NAV1: variants seen among roughly 807,000 people sequenced by gnomAD.
NAV1 encodes the protein pore membrane and/or filament interacting like protein 3.
In NAV1, 18 loss-of-function variants were observed where a neutral mutation model predicts 175.2. That is an observed-to-expected ratio of 0.10 (90% CI 0.07 to 0.15). The LOEUF is 0.15. Ranked by LOEUF, NAV1 falls within the 10% of genes least tolerant of loss-of-function variation. NAV1 has a pLI of 1.00. For synonymous variants in NAV1, 897 were observed against 978.7 expected (o/e 0.92, Z 1.56); for missense variants, 1,731 against 2,436.6 (o/e 0.71, Z 6.10).
At chr1:201,673,671 A>T (rs1170987285) in intron 1 of NAV1, among the ~76,000 whole-genome samples, 2 of 152,134 alleles carry the variant, frequency 1.3e-5, no homozygotes, top group African/African-American at 2.4e-5. Flanking sequence ...AGAGTTCAAG[A>T]CCCAGATCGT....
intron 3 of NAV1, among the ~76,000 whole-genome samples, chr1:201,742,214 G>C (rs1673470477): frequency 6.6e-6 from 1 of 152,216 alleles, no homozygotes; most frequent in Non-Finnish European, 1.5e-5. Context: ...AACTTTCCCT[G>C]TAAATGATGT....
At chr1:201,549,217 T>G (rs926222737) in intron 1 of NAV1, among the ~76,000 whole-genome samples, 4 of 151,622 alleles carry the variant, frequency 2.6e-5, no homozygotes, top group African/African-American at 9.7e-5. Context: ...TCTTTCCTTC[T>G]TTCTTTTTTT....
At chr1:201,604,499 T>C (rs1304435517) in intron 2 of NAV1, among the ~76,000 whole-genome samples, 1 of 152,004 alleles carries the variant, frequency 6.6e-6, no homozygotes, top group Non-Finnish European at 1.5e-5. Context: ...CTAGCCAACA[T>C]GGTGAAACCC....
chr1:201,671,928 A>C (rs1445792401), intron 1 of NAV1, among the ~76,000 whole-genome samples: 3 of 152,220 alleles, frequency 2.0e-5, no homozygotes, highest in African/African-American at 7.2e-5. Context: ...GTAAAATGTC[A>C]GAGATATAAG....
At chr1:201,742,873 C>CA (rs370885559) in intron 3 of NAV1, among the ~76,000 whole-genome samples, 2 of 68,146 alleles carry the variant, frequency 2.9e-5, no homozygotes, top group East Asian at 6.8e-4. Flanking sequence ...TCCTGCAAAG[C>CA]CCCTGCCCTG....
chr1:201,756,833 T>C (rs1445350545), intron 3 of NAV1, among the ~76,000 whole-genome samples: 1 of 71,276 alleles, frequency 1.4e-5, no homozygotes, highest in Non-Finnish European at 4.2e-5. Flanking sequence ...TCTTTCTTTC[T>C]TTCTTTCTTT....
intron 1 of NAV1, among the ~76,000 whole-genome samples, chr1:201,697,693 A>G (rs1671247317): frequency 6.6e-6 from 1 of 152,172 alleles, no homozygotes; most frequent in Non-Finnish European, 1.5e-5. Flanking sequence ...ATACTGGTCC[A>G]TACACAGGCT....
At position 201,578,927 on chromosome 1, in the gene NAV1, G is replaced by A. The variant is rs554199496; in HGVS notation, c.-143-9612G>A. ...GTGAGTGGATCACCTGAGGTCAGGA[G>A]CTCGAGACCAGCCTGGCCAACATGG... On this transcript the variant is annotated intron_variant, in intron 1 of 33. Transcript: ENST00000685211. Among the ~76,000 whole-genome samples, 4 of 152,170 alleles carry A rather than the reference G, an allele frequency of 2.6e-5. No individual in the cohort carries two copies. The East Asian group carries it at 7.7e-4, about 29-fold the overall frequency.
chr1:201,802,457 TAAAAA>T (rs34494216), intron 15 of NAV1, among the ~76,000 whole-genome samples: 5 of 101,092 alleles, frequency 4.9e-5, no homozygotes, highest in South Asian at 3.5e-4. Flanking sequence ...CCTGTCTCAT[TAAAAA>T]AAAAAAAAAA....
chr1:201,751,009 A>G, intron 3 of NAV1, among the ~76,000 whole-genome samples: 1 of 152,170 alleles, frequency 6.6e-6, no homozygotes, highest in East Asian at 1.9e-4. Flanking sequence ...TGACTTCTTT[A>G]AGGATTATGC....
At chr1:201,794,333 A>T in intron 14 of NAV1, 133 bp from the exon 19 acceptor site, 2 of 777,780 alleles carry the variant, frequency 2.6e-6, no homozygotes, top group South Asian at 3.1e-5. Flanking sequence ...TGTATTTTTA[A>T]TGGAGACCAG....
At position 201,788,194 on chromosome 1, in the gene NAV1, C is replaced by T. The variant is rs1015250097; in HGVS notation, c.2996-274C>T. On this transcript the variant is annotated intron_variant, in intron 9 of 29. Transcript: ENST00000367296. This position sits in a 1 kb window ranked among gnomAD's most constrained non-coding sequence, Gnocchi z 5.7. ...CCAGCCTAACCTTCAAAAGCAACAA[C>T]TCTGAGGCAGGCAGGGTTGAGGGAA... is the stretch of plus-strand genomic sequence containing the variant. Among the ~76,000 whole-genome samples, 2 of 152,180 alleles carry T rather than the reference C, an allele frequency of 1.3e-5. No individual in the cohort carries two copies. Among genetic ancestry groups the T allele is most frequent in the Non-Finnish European group, 2.9e-5 (2 of 68,028 alleles).
At chr1:201,581,306 G>C (rs1666851717) in intron 1 of NAV1, among the ~76,000 whole-genome samples, 1 of 152,176 alleles carries the variant, frequency 6.6e-6, no homozygotes, top group South Asian at 2.1e-4. Context: ...TCACAGGTTG[G>C]AATGGATGTG....
intron 3 of NAV1, among the ~76,000 whole-genome samples, chr1:201,732,524 G>C (rs1410584350): frequency 6.6e-6 from 1 of 152,034 alleles, no homozygotes; most frequent in East Asian, 1.9e-4. Context: ...TTAGTTTCCT[G>C]CTCTTGGGAA....
intron 1 of NAV1, among the ~76,000 whole-genome samples, chr1:201,710,440 C>G (rs917872447): frequency 6.6e-6 from 1 of 152,020 alleles, no homozygotes; most frequent in African/African-American, 2.4e-5. Flanking sequence ...GCTTGAGCCA[C>G]CTGGCCAATT....
At chr1:201,775,507 T>C (rs1329870808) in intron 3 of NAV1, among the ~76,000 whole-genome samples, 4 of 152,162 alleles carry the variant, frequency 2.6e-5, no homozygotes, top group Non-Finnish European at 5.9e-5. Flanking sequence ...CAATAACTTA[T>C]AATGAGTGTC....
intron 1 of NAV1, among the ~76,000 whole-genome samples, chr1:201,667,914 T>C (rs769207705): frequency 6.6e-6 from 1 of 152,138 alleles, no homozygotes; most frequent in African/African-American, 2.4e-5. Context: ...ACCTTGATGT[T>C]CCAGGGTGGA....
intron 1 of NAV1, among the ~76,000 whole-genome samples, chr1:201,665,249 C>T (rs553235289): frequency 1.5e-3 from 223 of 151,860 alleles, no homozygotes; most frequent in African/African-American, 5.3e-3. Context: ...TCCGTTGCCT[C>T]GGCCACTCCC....
chr1:201,596,912 GC>G (rs1340680942), intron 2 of NAV1, among the ~76,000 whole-genome samples: 1 of 152,062 alleles, frequency 6.6e-6, no homozygotes, highest in Non-Finnish European at 1.5e-5. Flanking sequence ...TGCAACCTCC[GC>G]CTCCTGGGTT....
Sources: gnomAD v4.1 joint callset for allele counts (sites outside exome capture counted in the v4.1 genomes callset) on GRCh38, gnomAD v4.1.1 for gene constraint, Gnocchi (gnomAD v3.1) non-coding constraint, MANE v1.5 for transcripts, NCBI Gene and HGNC (gene_info 2026-07-23, HGNC 2026-07-21) for gene names.